SPOCK1: variants seen among roughly 807,000 people sequenced by gnomAD.
The protein encoded by SPOCK1 is SPARC (osteonectin), cwcv and kazal like domains proteoglycan 1.
SPOCK1 carries 23 observed loss-of-function variants against 55.3 expected under a neutral mutation model. The ratio of observed to expected loss-of-function variants is 0.42; its 90% CI spans 0.30 to 0.59. SPOCK1 has a LOEUF of 0.59. SPOCK1 is among the 20% of genes least tolerant of loss of function. The pLI, the probability that SPOCK1 is intolerant of heterozygous loss-of-function variation, is 0.22. For synonymous variants in SPOCK1, 226 were observed against 221.0 expected, an observed-to-expected ratio of 1.02 and a Z score of -0.20; for missense variants, 499 against 552.5, an observed-to-expected ratio of 0.90 and a Z score of 0.97.
chr5:137,160,497 C>CCA (rs1554100812), intron 3 of SPOCK1, among the ~76,000 whole-genome samples: 2 of 86,448 alleles, frequency 2.3e-5, no homozygotes, highest in Non-Finnish European at 4.3e-5. Context: ...AACACCTGGG[C>CCA]TATATATATA....
intron 3 of SPOCK1, among the ~76,000 whole-genome samples, chr5:137,255,674 G>C (rs1477525734): frequency 1.3e-5 from 2 of 152,048 alleles, no homozygotes; most frequent in Non-Finnish European, 2.9e-5. Flanking sequence ...TGAAGTGAAG[G>C]CAGGAGGAGA....
intron 3 of SPOCK1, among the ~76,000 whole-genome samples, chr5:137,205,759 G>A (rs535611368): frequency 3.9e-5 from 6 of 152,206 alleles, no homozygotes; most frequent in Non-Finnish European, 1.5e-5. Flanking sequence ...AATAGCCTGA[G>A]CTGGTCACTG....
intron 6 of SPOCK1, among the ~76,000 whole-genome samples, chr5:137,027,989 C>T (rs185495171): frequency 6.6e-6 from 1 of 152,180 alleles, no homozygotes; most frequent in Non-Finnish European, 1.5e-5. Context: ...AACTGCTGTG[C>T]CCTTCAGATT....
At chr5:137,476,990 G>T (rs1753849790) in intron 2 of SPOCK1, among the ~76,000 whole-genome samples, 1 of 152,122 alleles carries the variant, frequency 6.6e-6, no homozygotes, top group Admixed American at 6.6e-5. Flanking sequence ...AAAAATATAT[G>T]CCAAGGAAAT....
At chr5:136,989,722 C>G (rs1393556570) in intron 7 of SPOCK1, among the ~76,000 whole-genome samples, 3 of 152,056 alleles carry the variant, frequency 2.0e-5, no homozygotes, top group Non-Finnish European at 4.4e-5. Flanking sequence ...AGCCTTCTGC[C>G]TGACTTGATC....
intron 2 of SPOCK1, among the ~76,000 whole-genome samples, chr5:137,332,855 G>T (rs1388733140): frequency 3.3e-5 from 5 of 152,206 alleles, no homozygotes; most frequent in African/African-American, 9.6e-5. Context: ...AGGCAAAATA[G>T]GCTAAGTGCA....
intron 2 of SPOCK1, among the ~76,000 whole-genome samples, chr5:137,441,048 A>T (rs1275773359): frequency 2.0e-5 from 3 of 152,220 alleles, no homozygotes; most frequent in African/African-American, 7.2e-5. Flanking sequence ...ATGCTCGTTC[A>T]CTTGTCTGCA....
At chr5:137,375,001 T>C (rs1422181208) in intron 2 of SPOCK1, among the ~76,000 whole-genome samples, 2 of 152,126 alleles carry the variant, frequency 1.3e-5, no homozygotes, top group African/African-American at 4.8e-5. Flanking sequence ...CCCATCTCAG[T>C]TGCAGCCGTT....
In SPOCK1 at chr5:137,408,204, T is replaced by C. The variant is rs1752140168; in HGVS notation, c.186+90169A>G. 2.0e-5 allele frequency among the ~76,000 whole-genome samples: 3 copies of C among 152,370 alleles called. No homozygotes were observed. The South Asian group carries it at 6.2e-4, about 32-fold the overall frequency. On this transcript the variant is annotated intron_variant, in intron 2 of 10. Transcript: ENST00000394945. ...GGCCCATGAGAACAAAGACCTTGGC[T>C]GTGGTATTCAGTGCTGTGTTCCTGA...
chr5:137,203,663 G>A (rs372059288), intron 3 of SPOCK1, among the ~76,000 whole-genome samples: 26 of 152,168 alleles, frequency 1.7e-4, no homozygotes, highest in Middle Eastern at 6.8e-3. Flanking sequence ...TATAATCCTC[G>A]AGAACTTGGC....
chr5:137,111,823 T>C (rs1451813510), intron 5 of SPOCK1, among the ~76,000 whole-genome samples: 1 of 152,148 alleles, frequency 6.6e-6, no homozygotes, highest in Non-Finnish European at 1.5e-5. Flanking sequence ...TAAATATAAA[T>C]AGACATATTT....
intron 4 of SPOCK1, among the ~76,000 whole-genome samples, chr5:137,134,975 A>T (rs900183390): frequency 1.3e-5 from 2 of 152,114 alleles, no homozygotes; most frequent in African/African-American, 4.8e-5. Context: ...TGGTGTGGAG[A>T]ATTAGTTGTT....
chr5:137,186,877 C>T (rs1046745118), intron 3 of SPOCK1, among the ~76,000 whole-genome samples: 6 of 152,184 alleles, frequency 3.9e-5, no homozygotes, highest in Admixed American at 6.5e-5. Flanking sequence ...CAATGACCTC[C>T]AGGCCATTAA....
At chr5:137,425,108 G>T (rs1352299744) in intron 2 of SPOCK1, among the ~76,000 whole-genome samples, 1 of 152,092 alleles carries the variant, frequency 6.6e-6, no homozygotes, top group Non-Finnish European at 1.5e-5. Flanking sequence ...AATATTTCAG[G>T]CTGTCCCTTG....
At chr5:137,308,848 G>A (rs1319193102) in intron 2 of SPOCK1, among the ~76,000 whole-genome samples, 1 of 152,120 alleles carries the variant, frequency 6.6e-6, no homozygotes, top group Non-Finnish European at 1.5e-5. Flanking sequence ...ACATACTGAT[G>A]TATAAAGATG....
chr5:137,234,869 A>C (rs1187498588), intron 3 of SPOCK1, among the ~76,000 whole-genome samples: 1 of 152,246 alleles, frequency 6.6e-6, no homozygotes, highest in Non-Finnish European at 1.5e-5. Flanking sequence ...GTATATTACT[A>C]AATACCAAAC....
intron 3 of SPOCK1, among the ~76,000 whole-genome samples, chr5:137,258,432 C>A (rs191991731): frequency 1.8e-3 from 267 of 152,352 alleles, no homozygotes; most frequent in African/African-American, 6.2e-3. Context: ...GTAGAGGACG[C>A]AGGTGATGCC....
At chr5:137,234,441 C>A (rs1319157795) in intron 3 of SPOCK1, among the ~76,000 whole-genome samples, 1 of 152,188 alleles carries the variant, frequency 6.6e-6, no homozygotes, top group Non-Finnish European at 1.5e-5. Context: ...AACCAGCTCA[C>A]CTTCTTACCA....
At chr5:137,306,816 T>C (rs1237414929) in intron 2 of SPOCK1, among the ~76,000 whole-genome samples, 1 of 152,218 alleles carries the variant, frequency 6.6e-6, no homozygotes, top group Non-Finnish European at 1.5e-5. Flanking sequence ...ATTTTACTCC[T>C]AAGCGTGTAT....
Sources: gnomAD v4.1 joint callset for allele counts (sites outside exome capture counted in the v4.1 genomes callset) on GRCh38, gnomAD v4.1.1 for gene constraint, MANE v1.5 for transcripts, NCBI Gene and HGNC (gene_info 2026-07-23, HGNC 2026-07-21) for gene names.